TRPA1: variants seen among roughly 807,000 people sequenced by gnomAD.
TRPA1 encodes ankyrin-like with transmembrane domains 1.
TRPA1 carries 129 observed loss-of-function variants against 131.3 expected under a neutral mutation model. The ratio of observed to expected loss-of-function variants is 0.98; its 90% CI spans 0.85 to 1.14. The LOEUF (loss-of-function observed/expected upper bound fraction) is 1.14. Among genes scored for constraint, TRPA1 ranks in the 50% most tolerant of loss-of-function variants. The pLI, the probability that TRPA1 is intolerant of heterozygous loss-of-function variation, is 0.00. For synonymous variants in TRPA1, 441 were observed against 451.7 expected, an observed-to-expected ratio of 0.98 and a Z score of 0.30; for missense variants, 1,304 against 1,354.2, an observed-to-expected ratio of 0.96 and a Z score of 0.58.
intron 13 of TRPA1, chr8:72,052,999 G>C (rs1805557081): frequency 2.9e-6 from 1 of 347,164 alleles, no homozygotes; most frequent in African/African-American, 2.6e-5. Flanking sequence ...GTGTGTGAGA[G>C]ATAGAGAAAG....
At chr8:72,059,920 A>G (rs559811239) in intron 7 of TRPA1, among the ~76,000 whole-genome samples, 4 of 152,158 alleles carry the variant, frequency 2.6e-5, no homozygotes, top group Non-Finnish European at 5.9e-5. Context: ...GCCAAAAATA[A>G]TTATGGAGAG....
the TRPA1 span, among the ~76,000 whole-genome samples, chr8:72,083,171 G>C: frequency 6.6e-6 from 1 of 151,920 alleles, no homozygotes; most frequent in African/African-American, 2.4e-5. Context: ...AAATTCCATT[G>C]TTGTTTTGTC....
In TRPA1 at chr8:72,039,798, C is replaced by T; in HGVS notation, c.2062-1G>A. 1.9e-6 allele frequency: 3 copies of T among 1,600,052 alleles called. No individual in the cohort carries two copies. The highest frequency in any genetic ancestry group is 1.7e-6 in the Non-Finnish European group (2 of 1,168,452). Reference sequence around the variant, plus strand: ...CTATGCGGTTATTTTGTACCATTGCCTGAGAAATAAAAAAAAGTGTAATAA... The same window carrying T: ...CTATGCGGTTATTTTGTACCATTGCTTGAGAAATAAAAAAAAGTGTAATAA... On this transcript the variant is annotated splice_acceptor_variant, in intron 17 of 26. Coordinates refer to ENST00000262209, the MANE Select transcript of TRPA1 (RefSeq NM_007332.3). LOFTEE classifies it high-confidence loss of function.
intron 7 of TRPA1, 90 bp downstream of exon 7, chr8:72,061,535 C>A: frequency 1.3e-6 from 2 of 1,493,116 alleles, no homozygotes; most frequent in Non-Finnish European, 1.9e-6. Flanking sequence ...AAAATCTTTG[C>A]TAGCATTAGT....
In TRPA1 at chr8:72,062,839, T is replaced by G; in HGVS notation, c.767A>C (p.Lys256Thr). ...TTGTGCACCATTGTCCAGGCACATT[T>G]TGATCATTTCCAAGTCACCATTTTG... ...AVQNGDLEMI[K>T]MCLDNGAQID... The change falls in exon 6 of 27, where the codon AAA becomes ACA. Residue 256 changes from lysine to threonine, a missense_variant. Coordinates refer to ENST00000262209, the MANE Select transcript of TRPA1 (RefSeq NM_007332.3). The G allele has an allele frequency of 6.2e-7, 1 of 1,614,062 alleles. No homozygotes were observed. The highest frequency in any genetic ancestry group is 2.2e-5 in the East Asian group (1 of 44,882).
intron 15 of TRPA1, among the ~76,000 whole-genome samples, chr8:72,048,205 C>G (rs1412052557): frequency 6.6e-6 from 1 of 152,114 alleles, no homozygotes; most frequent in Non-Finnish European, 1.5e-5. Flanking sequence ...ATTTGAGACA[C>G]CTCAAATCTA....
intron 18 of TRPA1, among the ~76,000 whole-genome samples, chr8:72,039,369 T>C (rs1040407441): frequency 6.6e-6 from 1 of 152,096 alleles, no homozygotes; most frequent in Non-Finnish European, 1.5e-5. Context: ...AATGATCCTT[T>C]CCATGCCCCC....
intron 15 of TRPA1, among the ~76,000 whole-genome samples, chr8:72,048,976 T>G (rs1188749438): frequency 1.3e-5 from 2 of 152,184 alleles, no homozygotes; most frequent in Non-Finnish European, 2.9e-5. Context: ...TCAAGACAGA[T>G]TTCAACAACT....
chr8:72,036,005 C>CAAAAAAAAAAAAAAAA (rs58197251), intron 21 of TRPA1, among the ~76,000 whole-genome samples: 4 of 44,970 alleles, frequency 8.9e-5, no homozygotes, highest in Non-Finnish European at 1.6e-4. Flanking sequence ...TCCCCCTCCA[C>CAAAAAAAAAAAAAAAA]AAAAAAAAAA....
chr8:72,058,085 C>T (rs1404334011), intron 8 of TRPA1, among the ~76,000 whole-genome samples: 7 of 152,186 alleles, frequency 4.6e-5, no homozygotes, highest in South Asian at 2.1e-4. Flanking sequence ...CTCTTGTTAC[C>T]GCTTGAACCA....
chr8:72,075,358 G>A lies in TRPA1; in HGVS notation c.52C>T (p.Gln18Ter). ...MWRPGEKKEP[Q>*]GVVYEDVPDD... ...GGCACATCCTCATAGACAACGCCCT[G>A]GGGCTCCTTCTTTTCTCCAGGGCGC... is the stretch of plus-strand genomic sequence containing the variant. Residue 18 changes from glutamine (Q) to a stop codon, truncating the protein, a stop_gained, in exon 1 of 27, where the codon CAG becomes TAG. Coordinates refer to ENST00000262209, the MANE Select transcript of TRPA1 (RefSeq NM_007332.3). LOFTEE classifies it high-confidence loss of function. The A allele has an allele frequency of 1.9e-6, 3 of 1,612,504 alleles. No homozygotes were observed. The highest frequency in any genetic ancestry group is 2.5e-6 in the Non-Finnish European group (3 of 1,179,844).
intron 21 of TRPA1, among the ~76,000 whole-genome samples, chr8:72,036,005 C>CAAAAAAAAAAAAAAAAA (rs58197251): frequency 4.4e-5 from 2 of 44,966 alleles, no homozygotes; most frequent in Non-Finnish European, 7.9e-5. Context: ...TCCCCCTCCA[C>CAAAAAAAAAAAAAAAAA]AAAAAAAAAA....
intron 24 of TRPA1, among the ~76,000 whole-genome samples, chr8:72,026,790 T>C (rs1389335945): frequency 3.9e-5 from 6 of 152,230 alleles, no homozygotes; most frequent in Non-Finnish European, 7.3e-5. Flanking sequence ...GTATGTTTAC[T>C]GTAACTACTT....
chr8:72,022,482 A>C lies in TRPA1; in HGVS notation c.*424T>G. Reference sequence around the variant, plus strand: ...AGACCTCAACCTAATATTTAAGACTATCATCTAAGGCATTATTAATACTTG... The same window carrying C: ...AGACCTCAACCTAATATTTAAGACTCTCATCTAAGGCATTATTAATACTTG... On this transcript the variant is annotated 3_prime_UTR_variant, in exon 27 of 27. Coordinates refer to ENST00000262209, the MANE Select transcript of TRPA1 (RefSeq NM_007332.3). 1 of 312,514 alleles carries C rather than the reference A, an allele frequency of 3.2e-6. No individual in the cohort carries two copies. Among genetic ancestry groups the C allele is most frequent in the Non-Finnish European group, 6.2e-6 (1 of 162,408 alleles). 19.4% of individuals were successfully genotyped at this position (312,514 alleles called of 1,614,324 possible). A position where few individuals can be genotyped will look rare whatever the true frequency, so the allele number is the denominator to read the frequency against.
intron 23 of TRPA1, among the ~76,000 whole-genome samples, chr8:72,033,372 G>A (rs1749732223): frequency 6.6e-6 from 1 of 152,170 alleles, no homozygotes; most frequent in South Asian, 2.1e-4. Context: ...ATATTGGTCT[G>A]CTTTCTTCAT....
the TRPA1 span, among the ~76,000 whole-genome samples, chr8:72,089,923 G>C: frequency 1.2e-4 from 18 of 152,004 alleles, no homozygotes; most frequent in South Asian, 1.0e-3. Context: ...AAAGTTACAA[G>C]ATATTGAAGA....
chr8:72,046,293 C>A (rs1448786199), intron 17 of TRPA1, among the ~76,000 whole-genome samples: 1 of 152,002 alleles, frequency 6.6e-6, no homozygotes, highest in Non-Finnish European at 1.5e-5. Context: ...AACTGTAATT[C>A]TCTCCATCCA....
At position 72,039,029 on chromosome 8, in the gene TRPA1, T is replaced by C; in HGVS notation, c.2133-2A>G. 6.2e-7 allele frequency: 1 copy of C among 1,612,008 alleles called. No homozygotes were observed. Among genetic ancestry groups the C allele is most frequent in the Non-Finnish European group, 8.5e-7 (1 of 1,178,980 alleles). ...TGAGCTCTAAATCCATAAGCCAACC[T>C]ACAAAAATATAAGCAAACCAGAATT... On this transcript the variant is annotated splice_acceptor_variant, in intron 18 of 26. Coordinates refer to ENST00000262209, the MANE Select transcript of TRPA1 (RefSeq NM_007332.3). LOFTEE classifies it high-confidence loss of function.
the TRPA1 span, among the ~76,000 whole-genome samples, chr8:72,082,922 G>T: frequency 6.7e-6 from 1 of 149,668 alleles, no homozygotes. Context: ...TTTTCTTTTT[G>T]GGACTTCCAT....
Sources: gnomAD v4.1 joint callset for allele counts (sites outside exome capture counted in the v4.1 genomes callset) on GRCh38, gnomAD v4.1.1 for gene constraint, MANE v1.5 for transcripts, NCBI Gene and HGNC (gene_info 2026-07-23, HGNC 2026-07-21) for gene names.